Variants in TLDC2 observed in about 807,000 individuals in gnomAD.
TLDC2 encodes TBC/LysM-associated domain containing 2.
Under a neutral mutation model 27.9 loss-of-function variants are expected in TLDC2, and 23 were observed. The ratio of observed to expected loss-of-function variants is 0.82; its 90% confidence interval spans 0.59 to 1.17. TLDC2 has a LOEUF of 1.17. TLDC2 is among the 50% of genes most tolerant of loss of function. The pLI is 0.00. For missense variants in TLDC2, 286 were observed against 273.4 expected (o/e 1.05, Z -0.32); for synonymous variants, 124 against 107.4 (o/e 1.16, Z -0.96).
At chr20:36,877,380 C>CA (rs372293425) in intron 1 of TLDC2, among the ~76,000 whole-genome samples, 35,233 of 93,868 alleles carry the variant, frequency 0.38, 4,984 homozygotes, top group Middle Eastern at 0.45. Flanking sequence ...GACCCTGTCT[C>CA]AAAAAAAAAA....
rs1485695745 is a variant in TLDC2 at position 36,890,109 on chromosome 20, G to A, written c.*17+706G>A. Reference sequence around the variant, plus strand: ...CCTTTTTGTCTGCCACCAGTGCCAGGTGCTTGTGAGTCTGTTATTTAATTT... The same window carrying A: ...CCTTTTTGTCTGCCACCAGTGCCAGATGCTTGTGAGTCTGTTATTTAATTT... On this transcript the variant is annotated intron_variant, in intron 6 of 6. Coordinates refer to ENST00000217320, the MANE Select transcript of TLDC2 (RefSeq NM_080628.3). 2 of 152,312 alleles carry A rather than the reference G, an allele frequency of 1.3e-5. 1 individual carries two copies. The highest frequency in any genetic ancestry group is 6.8e-3 in the Middle Eastern group (2 of 294). 9.4% of individuals were successfully genotyped at this position (152,312 alleles called of 1,614,324 possible). A position where few individuals can be genotyped will look rare whatever the true frequency, so the allele number is the denominator to read the frequency against.
intron 4 of TLDC2, among the ~76,000 whole-genome samples, chr20:36,885,297 A>G (rs1989898782): frequency 6.6e-6 from 1 of 152,176 alleles, no homozygotes; most frequent in Non-Finnish European, 1.5e-5. Flanking sequence ...TGCCTGGTGC[A>G]TAAGTGCTTT....
chr20:36,890,799 T>G (rs959402363), intron 6 of TLDC2: 7 of 152,102 alleles, frequency 4.6e-5, no homozygotes, highest in African/African-American at 1.7e-4. Flanking sequence ...ACCTTGTAAA[T>G]AGCACAGCGT....
chr20:36,885,478 G>A (rs977302466), intron 4 of TLDC2, among the ~76,000 whole-genome samples: 5 of 152,056 alleles, frequency 3.3e-5, no homozygotes, highest in African/African-American at 9.7e-5. Context: ...TATTCCAAAC[G>A]GCACCATGAA....
rs1403789561 is a variant in TLDC2, at chr20:36,893,818, C to T, written c.*974C>T. ...TTTGCTCTCAGATCCATTCTTCACT[C>T]TTCCTCTCCCTACTCTGTCTCACAG... On this transcript the variant is annotated 3_prime_UTR_variant, in exon 7 of 7. Coordinates refer to ENST00000217320, the MANE Select transcript of TLDC2 (RefSeq NM_080628.3). The T allele has an allele frequency of 2.5e-6, 1 of 398,554 alleles. No individual in the cohort carries two copies. The highest frequency in any genetic ancestry group is 4.4e-6 in the Non-Finnish European group (1 of 226,034). The allele number at this position is 398,554 out of a possible 1,614,324, so 24.7% of individuals were successfully genotyped here.
chr20:36,882,275 G>A (rs1217942806), intron 4 of TLDC2, among the ~76,000 whole-genome samples: 1 of 152,154 alleles, frequency 6.6e-6, no homozygotes, highest in African/African-American at 2.4e-5. Context: ...AAGCCCTGTG[G>A]TTCATGCCTA....
chr20:36,888,274 C>T (rs1231664344), intron 5 of TLDC2, among the ~76,000 whole-genome samples: 2 of 151,790 alleles, frequency 1.3e-5, no homozygotes, highest in Admixed American at 6.6e-5. Flanking sequence ...CTCTGTCGCC[C>T]AGGCTGGAGT....
chr20:36,876,963 G>A (rs1262871457), intron 1 of TLDC2, among the ~76,000 whole-genome samples: 3 of 152,094 alleles, frequency 2.0e-5, no homozygotes, highest in Admixed American at 6.5e-5. Context: ...CACACAATTC[G>A]CACAGACAAA....
At chr20:36,878,347 A>G (rs1484841869) in intron 2 of TLDC2, among the ~76,000 whole-genome samples, 13 of 152,176 alleles carry the variant, frequency 8.5e-5, no homozygotes, top group South Asian at 4.2e-4. Context: ...TTGGGAGGCG[A>G]AGGCAGGGGG....
chr20:36,886,844 T>C (rs983365960), intron 4 of TLDC2, among the ~76,000 whole-genome samples: 1 of 152,164 alleles, frequency 6.6e-6, no homozygotes, highest in African/African-American at 2.4e-5. Flanking sequence ...AGTTGAATTT[T>C]ATCCCCATTG....
chr20:36,889,160 C>T (rs1357343188), intron 5 of TLDC2, 91 bp from the exon 6 acceptor site: 4 of 1,546,514 alleles, frequency 2.6e-6, no homozygotes, highest in Non-Finnish European at 3.5e-6. Context: ...GGCTGCCGTC[C>T]TGGCATGGCC....
At chr20:36,882,950 C>A (rs1033870367) in intron 4 of TLDC2, among the ~76,000 whole-genome samples, 1 of 152,150 alleles carries the variant, frequency 6.6e-6, no homozygotes, top group East Asian at 1.9e-4. Context: ...ATCTCCCCAG[C>A]CTTTCAACAT....
At chr20:36,884,638 G>C (rs1989881570) in intron 4 of TLDC2, among the ~76,000 whole-genome samples, 1 of 151,876 alleles carries the variant, frequency 6.6e-6, no homozygotes. Flanking sequence ...CACACCTGTA[G>C]TCCCAGCTAC....
In TLDC2 at chr20:36,880,117, G is replaced by A. The variant is rs1447315193; in HGVS notation, c.343-538G>A. Reference sequence around the variant, plus strand: ...TATATATATACTTTTTTTTTGAGACGGAGTCTCGCTCTGTCACCCAGATTG... The same window carrying A: ...TATATATATACTTTTTTTTTGAGACAGAGTCTCGCTCTGTCACCCAGATTG... On this transcript the variant is annotated intron_variant, in intron 3 of 6. Transcript: ENST00000217320. Among the ~76,000 whole-genome samples the A allele has an allele frequency of 1.6e-3, 45 of 27,326 alleles. 1 individual carries two copies. Among genetic ancestry groups the A allele is most frequent in the African/African-American group, 3.6e-3 (42 of 11,812 alleles). The allele number at this position is 27,326 out of a possible 152,430, so 17.9% of individuals were successfully genotyped here. A position where few individuals can be genotyped will look rare whatever the true frequency, so the allele number is the denominator to read the frequency against.
At chr20:36,876,951 A>G (rs1411604235) in intron 1 of TLDC2, among the ~76,000 whole-genome samples, 1 of 152,212 alleles carries the variant, frequency 6.6e-6, no homozygotes, top group East Asian at 1.9e-4. Context: ...ATTCCAAGCC[A>G]ACACACAATT....
chr20:36,880,070 C>CATATATATATATATAT (rs1186641126), intron 3 of TLDC2, among the ~76,000 whole-genome samples: 3 of 73,050 alleles, frequency 4.1e-5, no homozygotes, highest in African/African-American at 9.4e-5. Flanking sequence ...TATATATATA[C>CATATATATATATATAT]ATATATATAT....
intron 1 of TLDC2, among the ~76,000 whole-genome samples, chr20:36,876,410 G>C (rs1989668783): frequency 6.6e-6 from 1 of 152,182 alleles, no homozygotes; most frequent in African/African-American, 2.4e-5. Context: ...GTTCTCAAGG[G>C]GGACAGACCG....
intron 6 of TLDC2, chr20:36,892,645 A>T: frequency 2.4e-6 from 1 of 418,392 alleles, no homozygotes; most frequent in Non-Finnish European, 4.4e-6. Context: ...GAAAAAAAAT[A>T]GAGTTCAGAA....
At chr20:36,890,325 C>T (rs541998433) in intron 6 of TLDC2, 21 of 152,174 alleles carry the variant, frequency 1.4e-4, no homozygotes, top group Admixed American at 3.3e-4. Context: ...AAGGTAACCA[C>T]GTTCAGTAAC....
Sources: gnomAD v4.1 joint callset for allele counts (sites outside exome capture counted in the v4.1 genomes callset) on GRCh38, gnomAD v4.1.1 for gene constraint, MANE v1.5 for transcripts, NCBI Gene and HGNC (gene_info 2026-07-23, HGNC 2026-07-21) for gene names.